The following HTR1F variants were observed in gnomAD, a reference collection of about 807,000 sequenced individuals.
HTR1F encodes 5-hydroxytryptamine receptor 1F.
Under a neutral mutation model 24.0 loss-of-function variants are expected in HTR1F, and 17 were observed. The observed-to-expected ratio is 0.71, with a 90% CI of 0.48 to 1.06. HTR1F has a LOEUF of 1.06. Ranked by LOEUF, HTR1F falls within the 50% of genes least tolerant of loss-of-function variation. HTR1F has a pLI of 0.00. For missense variants in HTR1F, 391 were observed against 427.8 expected, an observed-to-expected ratio of 0.91 and a Z score of 0.76; for synonymous variants, 186 against 156.8, an observed-to-expected ratio of 1.19 and a Z score of -1.39.
At chr3:87,911,654 G>A (rs1404324142) in intron 2 of HTR1F, among the ~76,000 whole-genome samples, 2 of 152,166 alleles carry the variant, frequency 1.3e-5, no homozygotes, top group Middle Eastern at 3.4e-3. Context: ...GAATATTGAT[G>A]CAAAAATCCT....
chr3:87,891,822 T>C lies in HTR1F; in HGVS notation c.-43+69698T>C, dbSNP rs150929839. On this transcript the variant is annotated intron_variant, in intron 2 of 2. Coordinates refer to ENST00000319595, the MANE Select transcript of HTR1F (RefSeq NM_001322209.2). ...ATGTCACATTCTTTATCCCATTCAT[T>C]CAGACATAATTATTTCCGTGAATTT... Among the ~76,000 whole-genome samples, 555 of 152,330 alleles carry C rather than the reference T, an allele frequency of 3.6e-3. 2 individuals are homozygous for C. The highest frequency in any genetic ancestry group is 0.013 in the African/African-American group (521 of 41,582).
intron 2 of HTR1F, among the ~76,000 whole-genome samples, chr3:87,860,137 A>G (rs1055835298): frequency 6.6e-6 from 1 of 152,222 alleles, no homozygotes; most frequent in Non-Finnish European, 1.5e-5. Flanking sequence ...AATCTGTATC[A>G]TAATCTGCAT....
chr3:87,879,740 T>C (rs973183809), intron 2 of HTR1F, among the ~76,000 whole-genome samples: 9 of 152,176 alleles, frequency 5.9e-5, no homozygotes, highest in African/African-American at 1.9e-4. Context: ...TTTCATTTTA[T>C]GGAGTTAACC....
chr3:87,853,685 G>GT (rs1705137751), intron 2 of HTR1F, among the ~76,000 whole-genome samples: 2 of 152,208 alleles, frequency 1.3e-5, no homozygotes, highest in South Asian at 2.1e-4. Context: ...CACCAACAGT[G>GT]TATAAGCGTT....
intron 2 of HTR1F, among the ~76,000 whole-genome samples, chr3:87,942,562 T>G (rs956181539): frequency 6.6e-6 from 1 of 152,130 alleles, no homozygotes; most frequent in Admixed American, 6.5e-5. Flanking sequence ...AGTGACTCCC[T>G]TGACATAAGG....
intron 2 of HTR1F, among the ~76,000 whole-genome samples, chr3:87,863,896 T>G (rs770272953): frequency 2.0e-5 from 3 of 152,242 alleles, no homozygotes; most frequent in Non-Finnish European, 2.9e-5. Flanking sequence ...CTAAAGCCAA[T>G]GCACTGGCAA....
At chr3:87,849,811 G>T in intron 2 of HTR1F, among the ~76,000 whole-genome samples, 1 of 151,904 alleles carries the variant, frequency 6.6e-6, no homozygotes. Flanking sequence ...ATGAACAGAC[G>T]CTTCTCAAAA....
intron 1 of HTR1F, among the ~76,000 whole-genome samples, chr3:87,818,482 G>A (rs1196450399): frequency 6.6e-6 from 1 of 152,106 alleles, no homozygotes; most frequent in Non-Finnish European, 1.5e-5. Context: ...GAAAAATCTG[G>A]GGAGCAGTAG....
intron 2 of HTR1F, among the ~76,000 whole-genome samples, chr3:87,959,671 A>G (rs1173805383): frequency 1.3e-5 from 2 of 151,858 alleles, no homozygotes; most frequent in African/African-American, 4.8e-5. Context: ...AGGATTTAAG[A>G]TGTTGACTTA....
At position 87,992,165 on chromosome 3, in the gene HTR1F, TC is replaced by T. The variant is rs1298541076; in HGVS notation, c.*316del. 4 of 177,496 alleles carry T rather than the reference TC, an allele frequency of 2.3e-5. No individual in the cohort carries two copies. Among genetic ancestry groups the T allele is most frequent in the African/African-American group, 4.8e-5 (2 of 41,886 alleles). The allele number at this position is 177,496 out of a possible 1,614,324, so 11.0% of individuals were successfully genotyped here. ...ATGACAGTGATTTTCCATGTTTACA[TC>T]TTACAATAATTATAGAGGAGTTTTC... On this transcript the variant is annotated 3_prime_UTR_variant, in exon 3 of 3. Coordinates refer to ENST00000319595, the MANE Select transcript of HTR1F (RefSeq NM_001322209.2).
chr3:87,800,543 T>C (rs955378758), intron 1 of HTR1F, among the ~76,000 whole-genome samples: 3 of 152,238 alleles, frequency 2.0e-5, no homozygotes, highest in African/African-American at 7.2e-5. Flanking sequence ...ATGCTGTTTG[T>C]ATTTTATTTA....
At chr3:87,922,087 C>A (rs1167817824) in intron 2 of HTR1F, among the ~76,000 whole-genome samples, 1 of 151,796 alleles carries the variant, frequency 6.6e-6, no homozygotes, top group Non-Finnish European at 1.5e-5. Context: ...CTTTTAGTTT[C>A]TTGAAGAAAG....
At chr3:87,850,294 T>A (rs2107203192) in intron 2 of HTR1F, among the ~76,000 whole-genome samples, 1 of 152,054 alleles carries the variant, frequency 6.6e-6, no homozygotes, top group South Asian at 2.1e-4. Flanking sequence ...AATGATGAGT[T>A]CATGTCCTTT....
intron 1 of HTR1F, among the ~76,000 whole-genome samples, chr3:87,794,820 A>T (rs1703876742): frequency 6.6e-6 from 1 of 152,174 alleles, no homozygotes. Flanking sequence ...TTCACTTTTT[A>T]AAAATGAATA....
At position 87,990,691 on chromosome 3, in the gene HTR1F, CTCT is replaced by C. The variant is rs1449401829; in HGVS notation, c.-42-14_-42-12del. ...TGAAGCCTTCTCTGAACTGTTTTTT[CTCT>C]TCCCTTGTTACAGGTATCCATTTTT... On this transcript the variant is annotated splice_polypyrimidine_tract_variant and intron_variant, in intron 2 of 2. Coordinates refer to ENST00000319595, the MANE Select transcript of HTR1F (RefSeq NM_001322209.2). The C allele has an allele frequency of 1.6e-5, 21 of 1,332,568 alleles. No homozygotes were observed. Among genetic ancestry groups the C allele is most frequent in the Admixed American group, 1.4e-4 (7 of 48,496 alleles). The allele number at this position is 1,332,568 out of a possible 1,614,324, so 82.5% of individuals were successfully genotyped here. A position where few individuals can be genotyped will look rare whatever the true frequency, so the allele number is the denominator to read the frequency against.
rs570118876 is a variant in HTR1F at position 87,956,017 on chromosome 3, T to A, written c.-42-34691T>A. 6.6e-5 allele frequency among the ~76,000 whole-genome samples: 10 copies of A among 151,534 alleles called. No individual in the cohort carries two copies. The South Asian group carries it at 1.9e-3, about 28-fold the overall frequency. On this transcript the variant is annotated intron_variant, in intron 2 of 2. Transcript: ENST00000319595. ...CCATTCTGTGGCTTGACTTTATTTTTTAACAGTTTTTTAGAAATCAGAAGC... is the reference window on the plus strand; with the variant it reads ...CCATTCTGTGGCTTGACTTTATTTTATAACAGTTTTTTAGAAATCAGAAGC...
At chr3:87,885,958 G>C (rs1705930863) in intron 2 of HTR1F, among the ~76,000 whole-genome samples, 1 of 152,038 alleles carries the variant, frequency 6.6e-6, no homozygotes, top group Non-Finnish European at 1.5e-5. Flanking sequence ...CCAATCAATA[G>C]AAAAAGAGGG....
At chr3:87,825,171 C>G (rs185971752) in intron 2 of HTR1F, among the ~76,000 whole-genome samples, 1 of 152,284 alleles carries the variant, frequency 6.6e-6, no homozygotes, top group African/African-American at 2.4e-5. Context: ...AATGGACTCT[C>G]AAGTATGATT....
At chr3:87,793,211 A>G (rs1703845664) in intron 1 of HTR1F, 1 of 151,854 alleles carries the variant, frequency 6.6e-6, no homozygotes, top group African/African-American at 2.4e-5. Flanking sequence ...TGGCGCTCCT[A>G]CCTCGGGAAG....
Sources: allele counts gnomAD v4.1 joint callset (sites outside exome capture counted in the v4.1 genomes callset), GRCh38; gene constraint gnomAD v4.1.1; transcripts MANE v1.5; gene names NCBI Gene and HGNC (gene_info 2026-07-23, HGNC 2026-07-21).